HECTD4: variants seen among roughly 807,000 people sequenced by gnomAD.
HECTD4 encodes the protein HECT domain E3 ubiquitin protein ligase 4.
A neutral mutation model predicts 471.5 loss-of-function variants in HECTD4; 114 were observed. That is an observed-to-expected ratio of 0.24 (90% CI 0.21 to 0.28). The LOEUF (loss-of-function observed/expected upper bound fraction) is 0.28, where lower values mean the gene tolerates loss of function less well. HECTD4 is among the 10% of genes least tolerant of loss of function. HECTD4 has a pLI of 1.00. For synonymous variants in HECTD4, 2,012 were observed against 2,256.0 expected (o/e 0.89, Z 3.07); for missense variants, 3,866 against 5,651.5 (o/e 0.68, Z 10.13).
chr12:112,324,418 CTACT>C (rs1351212660), intron 1 of HECTD4, among the ~76,000 whole-genome samples: 4 of 152,004 alleles, frequency 2.6e-5, no homozygotes, highest in Admixed American at 6.6e-5. Context: ...CTGCGCTCAG[CTACT>C]TACTTAGTTT....
chr12:112,250,048 G>T, intron 25 of HECTD4, 96 bp downstream of exon 25: 1 of 870,892 alleles, frequency 1.1e-6, no homozygotes, highest in African/African-American at 1.7e-5. Flanking sequence ...TAAAATTAAA[G>T]TTTCATTTAC....
At chr12:112,320,850 C>T (rs1283661876) in intron 1 of HECTD4, among the ~76,000 whole-genome samples, 1 of 151,734 alleles carries the variant, frequency 6.6e-6, no homozygotes, top group African/African-American at 2.4e-5. Context: ...TGAAGCATAC[C>T]CCATTCTTTT....
Position 112,200,884 on chromosome 12 carries a change from CGTGTGT to C in HECTD4, c.8407-92_8407-87del, listed in dbSNP as rs3835014. 8.1e-3 allele frequency: 5,616 copies of C among 692,758 alleles called. 11 individuals carry two copies. The highest frequency in any genetic ancestry group is 0.013 in the African/African-American group (727 of 55,646). The allele number at this position is 692,758 out of a possible 1,614,324, so 42.9% of individuals were successfully genotyped here. The stretch of plus-strand genomic sequence containing the variant: ...GCGTGCGTGTGTGTGTGCGTGCGTG[CGTGTGT>C]GTGTGTGTGTGTGTGTGTGTGTATT... On this transcript the variant is annotated intron_variant, in intron 54 of 75. Coordinates refer to ENST00000682272, the MANE Select transcript of HECTD4 (RefSeq NM_001388303.1).
At chr12:112,192,514 G>A (rs750824918) in intron 59 of HECTD4, 46 bp downstream of exon 59, 45 of 1,352,456 alleles carry the variant, frequency 3.3e-5, no homozygotes, top group Non-Finnish European at 4.5e-5. Flanking sequence ...GGCAAGAGGA[G>A]AATGACTCCA....
intron 7 of HECTD4, among the ~76,000 whole-genome samples, chr12:112,291,281 CCA>C (rs1435704910): frequency 6.6e-6 from 1 of 152,032 alleles, no homozygotes; most frequent in East Asian, 1.9e-4. Context: ...TTCATCTCTC[CCA>C]GTCATTATGT....
rs756122306 is a variant in HECTD4 at position 112,193,532 on chromosome 12, C to T, written c.8892G>A (p.Arg2964=). 6.2e-7 allele frequency: 1 copy of T among 1,612,538 alleles called. No homozygotes were observed. Among genetic ancestry groups the T allele is most frequent in the Non-Finnish European group, 8.5e-7 (1 of 1,179,400 alleles). ...VREWLNVAIT[R]TLHQGEESLL... The stretch of plus-strand genomic sequence containing the variant: ...GGCTCTCCTCGCCCTGGTGCAGGGT[C>T]CGGGTGATGGCCACGTTGAGCCACT... The change falls in exon 57 of 76, where the codon CGG becomes CGA. Residue 2964 remains arginine (R), a synonymous_variant. Coordinates refer to ENST00000682272, the MANE Select transcript of HECTD4 (RefSeq NM_001388303.1). This position sits in a 1 kb window ranked among gnomAD's most constrained non-coding sequence, Gnocchi z 5.2.
At chr12:112,259,082 C>A in intron 19 of HECTD4, 30 bp downstream of exon 19, 1 of 1,567,696 alleles carries the variant, frequency 6.4e-7, no homozygotes, top group African/African-American at 1.4e-5. Context: ...GGCCAAAAAG[C>A]AGTTCACTTT....
At chr12:112,217,497 G>A (rs2032956553) in intron 45 of HECTD4, among the ~76,000 whole-genome samples, 1 of 152,092 alleles carries the variant, frequency 6.6e-6, no homozygotes, top group Admixed American at 6.6e-5. Context: ...GGGACTACAG[G>A]TGTGCATCAC....
chr12:112,259,614 G>A (rs750198072), intron 18 of HECTD4, among the ~76,000 whole-genome samples: 2 of 150,254 alleles, frequency 1.3e-5, no homozygotes, highest in Non-Finnish European at 3.0e-5. Flanking sequence ...TGATCTCCTG[G>A]GTACAAGTGA....
chr12:112,252,543 A>G lies in HECTD4; in HGVS notation c.3448-15T>C, dbSNP rs781482122. ...TCTCCTTCCACCTTAAAATTTAAGG[A>G]AGGGGGGGAAATGCACTTTAAAAAC... is the stretch of plus-strand genomic sequence containing the variant. On this transcript the variant is annotated splice_polypyrimidine_tract_variant and intron_variant, in intron 22 of 75. Transcript: ENST00000682272. 4 of 1,601,912 alleles carry G rather than the reference A, an allele frequency of 2.5e-6. No individual in the cohort carries two copies. In the South Asian group the frequency reaches 4.5e-5, roughly 18 times the overall value.
intron 7 of HECTD4, among the ~76,000 whole-genome samples, chr12:112,300,131 A>G (rs1056230274): frequency 1.3e-5 from 2 of 152,080 alleles, no homozygotes; most frequent in Non-Finnish European, 2.9e-5. Context: ...GCTGGCCAAC[A>G]TGGTGAAACC....
chr12:112,164,167 G>A lies in HECTD4; in HGVS notation c.12643C>T (p.Leu4215=). The change falls in exon 73 of 76, where the codon CTG becomes TTG. Residue 4215 remains leucine (L), a synonymous_variant. Transcript: ENST00000682272. The part of the protein sequence containing the change: ...PNKPCCRFTY[L]TMTGEEVELC... ...TCCACCTCCTCGCCCGTCATGGTCA[G>A]GTAGGTGAACCTGCAGCAGGGCTTG... is the stretch of plus-strand genomic sequence containing the variant. The A allele has an allele frequency of 1.2e-6, 2 of 1,613,630 alleles. No individual in the cohort carries two copies. The highest frequency in any genetic ancestry group is 1.7e-6 in the Non-Finnish European group (2 of 1,179,846).
intron 7 of HECTD4, among the ~76,000 whole-genome samples, chr12:112,301,389 G>A (rs1348794618): frequency 1.3e-5 from 2 of 151,976 alleles, no homozygotes; most frequent in Non-Finnish European, 2.9e-5. Context: ...TCACCACGTT[G>A]GCCAGGCTGG....
chr12:112,263,564 G>A (rs540026932), intron 17 of HECTD4, among the ~76,000 whole-genome samples: 1 of 152,066 alleles, frequency 6.6e-6, no homozygotes, highest in East Asian at 1.9e-4. Flanking sequence ...AATAATCACA[G>A]AAAATGAAAT....
rs2036905843 is a variant in HECTD4, at chr12:112,382,063, C to G, written c.66G>C (p.Ser22=). 1.9e-5 allele frequency: 23 copies of G among 1,226,446 alleles called. No homozygotes were observed. The highest frequency in any genetic ancestry group is 2.2e-5 in the Non-Finnish European group (22 of 985,182). The allele number at this position is 1,226,446 out of a possible 1,614,324, so 76.0% of individuals were successfully genotyped here. A position where few individuals can be genotyped will look rare whatever the true frequency, so the allele number is the denominator to read the frequency against. ...AAAADSAQWL[S]VKEETIFLHD... Reference sequence around the variant, plus strand: ...GCAGGAAGATGGTCTCTTCCTTCACCGAGAGCCACTGCGCCGAGTCAGCGG... The same window carrying G: ...GCAGGAAGATGGTCTCTTCCTTCACGGAGAGCCACTGCGCCGAGTCAGCGG... Residue 22 remains serine, a synonymous_variant, in exon 1 of 76, where the codon TCG becomes TCC. Transcript: ENST00000682272.
chr12:112,367,995 TTACAAA>T (rs1230591115), intron 1 of HECTD4, among the ~76,000 whole-genome samples: 1 of 152,144 alleles, frequency 6.6e-6, no homozygotes, highest in Non-Finnish European at 1.5e-5. Flanking sequence ...AAAAGATCCA[TTACAAA>T]TACAAACTGA....
Position 112,257,601 on chromosome 12 carries a change from T to C in HECTD4, c.3128+895A>G, listed in dbSNP as rs891252783. Among the ~76,000 whole-genome samples, 9 of 152,348 alleles carry C rather than the reference T, an allele frequency of 5.9e-5. No individual in the cohort carries two copies. The East Asian group carries it at 1.7e-3, about 29-fold the overall frequency. On this transcript the variant is annotated intron_variant, in intron 20 of 75. Transcript: ENST00000682272. Reference sequence around the variant, plus strand: ...TTGCATTTTCTAGAGTTTTATAGTATGTGGCTTCTTTCACTCAGGGTTAAG... The same window carrying C: ...TTGCATTTTCTAGAGTTTTATAGTACGTGGCTTCTTTCACTCAGGGTTAAG...
At chr12:112,285,997 C>A (rs1229906655) in intron 7 of HECTD4, among the ~76,000 whole-genome samples, 1 of 152,114 alleles carries the variant, frequency 6.6e-6, no homozygotes, top group African/African-American at 2.4e-5. Flanking sequence ...ATTACCCAAT[C>A]TGGCCCTATG....
chr12:112,254,123 C>T lies in HECTD4; in HGVS notation c.3367G>A (p.Val1123Ile). ...AGTGTGTTGCCTCCATATTCAGCAACCTTCCTACTGTTTGTGTTAGGCCCC... is the reference window on the plus strand; with the variant it reads ...AGTGTGTTGCCTCCATATTCAGCAATCTTCCTACTGTTTGTGTTAGGCCCC... Reference protein sequence around the residue: ...YAGPNTNSRKVAEYGGNTLGY... With the variant: ...YAGPNTNSRKIAEYGGNTLGY... Residue 1123 changes from valine (V) to isoleucine (I), a missense_variant, in exon 22 of 76, where the codon GTT becomes ATT. Val to Ile is a conservative substitution (Grantham distance 29). Transcript: ENST00000682272. 6.2e-7 allele frequency: 1 copy of T among 1,614,010 alleles called. No individual in the cohort carries two copies. The highest frequency in any genetic ancestry group is 1.1e-5 in the South Asian group (1 of 91,088).
Sources: allele counts gnomAD v4.1 joint callset (sites outside exome capture counted in the v4.1 genomes callset), GRCh38; gene constraint gnomAD v4.1.1; non-coding constraint Gnocchi (gnomAD v3.1); transcripts MANE v1.5; gene names NCBI Gene and HGNC (gene_info 2026-07-23, HGNC 2026-07-21).